BRAP: variants seen among roughly 807,000 people sequenced by gnomAD.
The protein encoded by BRAP is BRCA1-associated protein.
A neutral mutation model predicts 73.4 loss-of-function variants in BRAP; 42 were observed. That is an observed-to-expected ratio of 0.57 (90% CI 0.45 to 0.74). The LOEUF (loss-of-function observed/expected upper bound fraction) is 0.74, where lower values mean the gene tolerates loss of function less well. BRAP is among the 30% of genes least tolerant of loss of function. The pLI, the probability that BRAP is intolerant of heterozygous loss-of-function variation, is 0.00. For synonymous variants in BRAP, 255 were observed against 267.4 expected, an observed-to-expected ratio of 0.95 and a Z score of 0.45; for missense variants, 593 against 751.4, an observed-to-expected ratio of 0.79 and a Z score of 2.46.
chr12:111,680,249 C>G (rs570378304), intron 3 of BRAP, among the ~76,000 whole-genome samples: 159 of 151,912 alleles, frequency 1.0e-3, no homozygotes, highest in African/African-American at 3.8e-3. Flanking sequence ...CCACCACGCC[C>G]GGCAAGAGAG....
intron 11 of BRAP, 91 bp downstream of exon 11, chr12:111,649,848 A>G: frequency 1.1e-6 from 1 of 885,184 alleles, no homozygotes; most frequent in East Asian, 2.5e-5. Flanking sequence ...CTGGTGATAC[A>G]TATATTTGAA....
intron 8 of BRAP, 114 bp downstream of exon 8, chr12:111,659,093 T>C (rs1886643273): frequency 1.5e-6 from 2 of 1,341,876 alleles, no homozygotes; most frequent in Non-Finnish European, 2.0e-6. Flanking sequence ...AGAATTTGGG[T>C]TTGCAACAGC....
At chr12:111,644,937 A>C (rs965226186) in intron 11 of BRAP, among the ~76,000 whole-genome samples, 2 of 151,278 alleles carry the variant, frequency 1.3e-5, no homozygotes, top group Admixed American at 6.6e-5. Context: ...TTGTATTTTG[A>C]GTAGATATTG....
intron 10 of BRAP, among the ~76,000 whole-genome samples, chr12:111,651,963 C>G (rs1436587240): frequency 6.6e-6 from 1 of 151,990 alleles, no homozygotes; most frequent in Non-Finnish European, 1.5e-5. Context: ...ATGTACTTCT[C>G]TGTCATAAAA....
intron 2 of BRAP, among the ~76,000 whole-genome samples, chr12:111,682,430 A>C (rs937234867): frequency 3.6e-5 from 5 of 138,654 alleles, no homozygotes; most frequent in Non-Finnish European, 7.6e-5. Flanking sequence ...TGAAACCAGG[A>C]GGTGGAGTTG....
At chr12:111,654,129 C>T (rs1275998726) in intron 10 of BRAP, among the ~76,000 whole-genome samples, 3 of 152,280 alleles carry the variant, frequency 2.0e-5, no homozygotes, top group African/African-American at 4.8e-5. Flanking sequence ...TACGCGGCAG[C>T]GACCTGCGCT....
At position 111,647,753 on chromosome 12, in the gene BRAP, C is replaced by A. The variant is rs577191424; in HGVS notation, c.1415+2186G>T. Among the ~76,000 whole-genome samples the A allele has an allele frequency of 4.6e-5, 7 of 152,004 alleles. No individual in the cohort carries two copies. The South Asian group carries it at 1.5e-3, about 32-fold the overall frequency. ...TCTACTAAAAATACAAAATTAGCCA[C>A]GCATGGTGGTGCATGCCTGTAATTC... On this transcript the variant is annotated intron_variant, in intron 11 of 11. Coordinates refer to ENST00000419234, the MANE Select transcript of BRAP (RefSeq NM_006768.5).
In BRAP at chr12:111,655,670, A is replaced by T. The variant is rs1189325012; in HGVS notation, c.1222-15T>A. 1.3e-6 allele frequency: 2 copies of T among 1,572,108 alleles called. No homozygotes were observed. Among genetic ancestry groups the T allele is most frequent in the Non-Finnish European group, 1.8e-6 (2 of 1,142,438 alleles). On this transcript the variant is annotated splice_polypyrimidine_tract_variant and intron_variant, in intron 9 of 11. Coordinates refer to ENST00000419234, the MANE Select transcript of BRAP (RefSeq NM_006768.5). ...AAATATGAATACTAGAAACATAGAG[A>T]ATAAAGACCAAAATGTAAGTCACTG...
At chr12:111,670,429 A>C in intron 5 of BRAP, 4 of 341,450 alleles carry the variant, frequency 1.2e-5, no homozygotes, top group South Asian at 2.7e-5. Flanking sequence ...TGCTAAAACA[A>C]TCTACTCAGA....
chr12:111,665,543 A>C lies in BRAP; in HGVS notation c.896+96T>G. 6 of 1,503,790 alleles carry C rather than the reference A, an allele frequency of 4.0e-6. No homozygotes were observed. The highest frequency in any genetic ancestry group is 5.4e-6 in the Non-Finnish European group (6 of 1,107,892). 93.2% of individuals were successfully genotyped at this position (1,503,790 alleles called of 1,614,324 possible). A position where few individuals can be genotyped will look rare whatever the true frequency, so the allele number is the denominator to read the frequency against. ...AAAAAGGACCTCTTGAATAAAGTCA[A>C]ATACTTGGAATGGTTCATTTCTGCT... On this transcript the variant is annotated intron_variant, in intron 6 of 11. Coordinates refer to ENST00000419234, the MANE Select transcript of BRAP (RefSeq NM_006768.5). The surrounding 1 kb of genome is among the most constrained non-coding windows in gnomAD (Gnocchi z 4.3).
chr12:111,666,453 C>T (rs1886947385), intron 5 of BRAP, among the ~76,000 whole-genome samples: 1 of 152,134 alleles, frequency 6.6e-6, no homozygotes, highest in East Asian at 1.9e-4. Context: ...CCTCATTGTA[C>T]AGATAGAGAT....
chr12:111,675,854 C>T (rs7136874), intron 4 of BRAP, among the ~76,000 whole-genome samples: 54,439 of 151,756 alleles, frequency 0.36, 14,286 homozygotes, highest in East Asian at 0.9. Context: ...TAACTAAGCA[C>T]GCAGGTGAAA....
intron 5 of BRAP, among the ~76,000 whole-genome samples, chr12:111,669,136 G>T (rs1423216897): frequency 6.6e-6 from 1 of 152,134 alleles, no homozygotes; most frequent in African/African-American, 2.4e-5. Flanking sequence ...GTCTCTAGAA[G>T]GCTGTTCCTG....
chr12:111,645,579 GA>G (rs1424565433), intron 11 of BRAP, among the ~76,000 whole-genome samples: 2 of 152,100 alleles, frequency 1.3e-5, no homozygotes, highest in African/African-American at 4.8e-5. Flanking sequence ...TGCATTTGCT[GA>G]AGGGGAAAAA....
At chr12:111,678,024 G>A (rs1388411667) in intron 4 of BRAP, among the ~76,000 whole-genome samples, 2 of 152,062 alleles carry the variant, frequency 1.3e-5, no homozygotes, top group East Asian at 1.9e-4. Flanking sequence ...AGGCTGGGGC[G>A]GGCAGATCAC....
At chr12:111,645,994 A>G (rs1886097389) in intron 11 of BRAP, among the ~76,000 whole-genome samples, 1 of 151,996 alleles carries the variant, frequency 6.6e-6, no homozygotes, top group Non-Finnish European at 1.5e-5. Context: ...TGTCTCAAAC[A>G]AACAACCCAT....
intron 7 of BRAP, among the ~76,000 whole-genome samples, chr12:111,660,084 G>A (rs867608960): frequency 0.014 from 2,085 of 149,472 alleles, 67 homozygotes; most frequent in African/African-American, 0.049. Context: ...AAAAAAAAAA[G>A]AAAAAGAAAA....
intron 6 of BRAP, among the ~76,000 whole-genome samples, chr12:111,661,775 G>A (rs973718273): frequency 6.8e-6 from 1 of 147,548 alleles, no homozygotes; most frequent in African/African-American, 2.5e-5. Flanking sequence ...GCAGTGGCGC[G>A]ATCTCAGCTC....
chr12:111,659,402 C>A, intron 7 of BRAP, 57 bp from the exon 8 acceptor site: 5 of 1,533,516 alleles, frequency 3.3e-6, no homozygotes, highest in Non-Finnish European at 3.5e-6. Flanking sequence ...TCTGGCTGGG[C>A]GCGATGGCTC....
Sources: allele counts gnomAD v4.1 joint callset (sites outside exome capture counted in the v4.1 genomes callset), GRCh38; gene constraint gnomAD v4.1.1; non-coding constraint Gnocchi (gnomAD v3.1); transcripts MANE v1.5; gene names NCBI Gene and HGNC (gene_info 2026-07-23, HGNC 2026-07-21).